The following DYM variants were observed in gnomAD, a reference collection of about 807,000 sequenced individuals.
The protein encoded by DYM is dyggve-Melchior-Clausen syndrome protein.
Under a neutral mutation model 93.1 loss-of-function variants are expected in DYM, and 78 were observed. The ratio of observed to expected loss-of-function variants is 0.84; its 90% CI spans 0.70 to 1.01. DYM has a LOEUF of 1.01. DYM is among the 50% of genes least tolerant of loss of function. The probability of loss-of-function intolerance (pLI) is 0.00; values close to 1 mark genes in which losing one functional copy is unlikely to be tolerated. For missense variants in DYM, 789 were observed against 845.0 expected, an observed-to-expected ratio of 0.93 and a Z score of 0.82; for synonymous variants, 321 against 319.7, an observed-to-expected ratio of 1.00 and a Z score of -0.04.
Position 49,052,913 on chromosome 18 carries a change from C to A in DYM, c.2026-8709G>T, listed in dbSNP as rs796230409. 2.4e-4 allele frequency among the ~76,000 whole-genome samples: 36 copies of A among 152,324 alleles called. 1 individual carries two copies. The highest frequency in any genetic ancestry group is 8.4e-4 in the African/African-American group (35 of 41,564). ...TGGCACAGGGCAGGGCACTGGTTAT[C>A]TCAAGCTCAGGCTACTTTGGTGAGG... On this transcript the variant is annotated intron_variant, in intron 17 of 17. Coordinates refer to ENST00000675505, the MANE Select transcript of DYM (RefSeq NM_001353214.3).
intron 1 of DYM, among the ~76,000 whole-genome samples, chr18:49,456,949 T>C (rs933918030): frequency 3.3e-5 from 5 of 152,132 alleles, no homozygotes; most frequent in African/African-American, 1.2e-4. Flanking sequence ...GACAGCTAAG[T>C]AGGAAAGTGA....
intron 15 of DYM, 22 bp downstream of exon 15, chr18:49,163,663 G>A: frequency 6.4e-7 from 1 of 1,556,030 alleles, no homozygotes; most frequent in Non-Finnish European, 8.8e-7. Context: ...ATTTTTTATT[G>A]ATGAATAAGG....
intron 17 of DYM, among the ~76,000 whole-genome samples, chr18:49,047,582 C>T (rs1159435691): frequency 1.3e-5 from 2 of 152,196 alleles, no homozygotes; most frequent in African/African-American, 4.8e-5. Context: ...CCCTCCTCGT[C>T]CACTCCTGAA....
chr18:49,097,154 A>G, intron 17 of DYM: 1 of 556,136 alleles, frequency 1.8e-6, no homozygotes, highest in Non-Finnish European at 3.2e-6. Flanking sequence ...TTAAAAAAAT[A>G]AGGTGTCCTT....
At chr18:49,168,570 T>A (rs762534731) in intron 14 of DYM, among the ~76,000 whole-genome samples, 10 of 152,094 alleles carry the variant, frequency 6.6e-5, no homozygotes, top group Non-Finnish European at 1.5e-4. Context: ...GAAGCCAGAC[T>A]GTGAAGGGCC....
intron 17 of DYM, among the ~76,000 whole-genome samples, chr18:49,076,745 T>C (rs967803654): frequency 1.2e-4 from 18 of 152,224 alleles, no homozygotes; most frequent in Admixed American, 3.9e-4. Flanking sequence ...TATATTTAGA[T>C]GAAAAATCTT....
intron 15 of DYM, among the ~76,000 whole-genome samples, chr18:49,129,309 C>T (rs554598789): frequency 1.3e-5 from 2 of 151,970 alleles, no homozygotes; most frequent in South Asian, 2.1e-4. Context: ...CTTCAGTTTC[C>T]GTGTAGGATG....
intron 17 of DYM, among the ~76,000 whole-genome samples, chr18:49,053,350 G>A (rs1164375534): frequency 3.3e-5 from 5 of 152,166 alleles, no homozygotes; most frequent in African/African-American, 1.2e-4. Flanking sequence ...AAGTTGAATG[G>A]CGTTTTCCCC....
At chr18:49,172,947 T>C (rs188714780) in intron 14 of DYM, among the ~76,000 whole-genome samples, 1 of 152,230 alleles carries the variant, frequency 6.6e-6, no homozygotes, top group Admixed American at 6.5e-5. Context: ...TTTATGTCTA[T>C]GATCCATTTT....
rs116154576 is a variant in DYM at position 49,272,375 on chromosome 18, T to A, written c.1126-72A>T. The A allele has an allele frequency of 4.1e-3, 4,363 of 1,055,360 alleles. 123 individuals carry two copies. The African/African-American group carries it at 0.062, about 15-fold the overall frequency. 65.4% of individuals were successfully genotyped at this position (1,055,360 alleles called of 1,614,324 possible). A position where few individuals can be genotyped will look rare whatever the true frequency, so the allele number is the denominator to read the frequency against. ...ATCCAAATGTTTTAAATCTTTACAC[T>A]TTCATTTTGTGCTCTTTGCTTTAAT... On this transcript the variant is annotated intron_variant, in intron 10 of 17. Transcript: ENST00000675505.
intron 11 of DYM, among the ~76,000 whole-genome samples, chr18:49,261,855 T>C (rs2094495715): frequency 6.6e-6 from 1 of 152,218 alleles, no homozygotes; most frequent in Admixed American, 6.5e-5. Flanking sequence ...ATCTTGAGTT[T>C]AGTGTGTATA....
chr18:49,077,378 A>G (rs2077390953), intron 17 of DYM, among the ~76,000 whole-genome samples: 1 of 152,178 alleles, frequency 6.6e-6, no homozygotes, highest in Non-Finnish European at 1.5e-5. Flanking sequence ...TAATTTTTTA[A>G]ACTTATTGAG....
intron 2 of DYM, among the ~76,000 whole-genome samples, chr18:49,422,461 A>G (rs1403993807): frequency 6.6e-6 from 1 of 152,238 alleles, no homozygotes; most frequent in Non-Finnish European, 1.5e-5. Flanking sequence ...TGTAAAGACC[A>G]TCGAGGCTAG....
At chr18:49,156,814 C>A (rs547248304) in intron 15 of DYM, among the ~76,000 whole-genome samples, 2 of 152,022 alleles carry the variant, frequency 1.3e-5, no homozygotes, top group African/African-American at 2.4e-5. Context: ...CATATGCCCC[C>A]CTCCTAGATG....
At position 49,452,709 on chromosome 18, in the gene DYM, G is replaced by A. The variant is rs1209401863; in HGVS notation, c.-54+7689C>T. On this transcript the variant is annotated intron_variant, in intron 1 of 17. Transcript: ENST00000675505. ...GCCGCTCCCTGCTCCCCAGCGCCTGGTCCCATCAACCGCCCAAGGGCTGAG... is the reference window on the plus strand; with the variant it reads ...GCCGCTCCCTGCTCCCCAGCGCCTGATCCCATCAACCGCCCAAGGGCTGAG... Among the ~76,000 whole-genome samples, 4 of 137,892 alleles carry A rather than the reference G, an allele frequency of 2.9e-5. 2 individuals carry two copies. The highest frequency in any genetic ancestry group is 5.6e-5 in the African/African-American group (2 of 35,728). 90.5% of individuals were successfully genotyped at this position (137,892 alleles called of 152,430 possible). A position where few individuals can be genotyped will look rare whatever the true frequency, so the allele number is the denominator to read the frequency against.
At chr18:49,134,241 G>A (rs879367527) in intron 15 of DYM, among the ~76,000 whole-genome samples, 1 of 152,168 alleles carries the variant, frequency 6.6e-6, no homozygotes, top group Non-Finnish European at 1.5e-5. Flanking sequence ...TAGCCCCAAT[G>A]ATCCAACTTC....
intron 17 of DYM, among the ~76,000 whole-genome samples, chr18:49,063,775 T>C (rs2076182452): frequency 6.6e-6 from 1 of 151,900 alleles, no homozygotes; most frequent in Admixed American, 6.6e-5. Flanking sequence ...TACAGGCACC[T>C]GCCACTATGC....
intron 17 of DYM, among the ~76,000 whole-genome samples, chr18:49,082,973 T>A (rs746614880): frequency 9.2e-5 from 14 of 152,180 alleles, no homozygotes; most frequent in Non-Finnish European, 1.5e-4. Flanking sequence ...ATATTCCTAG[T>A]TGTGTGAGAA....
intron 13 of DYM, among the ~76,000 whole-genome samples, chr18:49,239,184 G>C (rs927902807): frequency 6.6e-6 from 1 of 152,016 alleles, no homozygotes; most frequent in Non-Finnish European, 1.5e-5. Context: ...CTGCTCATCA[G>C]AAGAAACTAT....
Sources: allele counts gnomAD v4.1 joint callset (sites outside exome capture counted in the v4.1 genomes callset), GRCh38; gene constraint gnomAD v4.1.1; transcripts MANE v1.5; gene names NCBI Gene and HGNC (gene_info 2026-07-23, HGNC 2026-07-21).